Variants in FOXO1 observed in about 807,000 individuals in gnomAD.
The protein encoded by FOXO1 is forkhead box O1.
In FOXO1, 6 loss-of-function variants were observed where a neutral mutation model predicts 44.1. The observed-to-expected ratio is 0.14, with a 90% CI of 0.07 to 0.27. The LOEUF is 0.27. Among genes scored for constraint, FOXO1 ranks in the 10% least tolerant of loss-of-function variants. The pLI, the probability that FOXO1 is intolerant of heterozygous loss-of-function variation, is 1.00. For missense variants in FOXO1, 737 were observed against 888.8 expected, an observed-to-expected ratio of 0.83 and a Z score of 2.17; for synonymous variants, 380 against 362.7, an observed-to-expected ratio of 1.05 and a Z score of -0.54.
At chr13:40,645,427 T>C (rs1008716674) in intron 1 of FOXO1, among the ~76,000 whole-genome samples, 1 of 152,238 alleles carries the variant, frequency 6.6e-6, no homozygotes, top group Non-Finnish European at 1.5e-5. Flanking sequence ...ATTTCCTCTT[T>C]ACAGGCCTTA....
At chr13:40,581,086 C>T (rs776670415) in intron 1 of FOXO1, among the ~76,000 whole-genome samples, 1 of 152,196 alleles carries the variant, frequency 6.6e-6, no homozygotes, top group Non-Finnish European at 1.5e-5. Flanking sequence ...TGCTTGGGCA[C>T]TTTTCTTGGA....
intron 1 of FOXO1, among the ~76,000 whole-genome samples, chr13:40,594,819 T>TA (rs1875516752): frequency 1.3e-5 from 2 of 152,136 alleles, no homozygotes; most frequent in African/African-American, 4.8e-5. Context: ...CCCAAGTAGC[T>TA]AGGACTACAG....
chr13:40,610,086 A>G (rs1018657591), intron 1 of FOXO1, among the ~76,000 whole-genome samples: 9 of 152,132 alleles, frequency 5.9e-5, no homozygotes, highest in African/African-American at 1.9e-4. Flanking sequence ...TTGCAATCAC[A>G]TGTAATTTAA....
At chr13:40,606,460 C>T (rs1323045509) in intron 1 of FOXO1, among the ~76,000 whole-genome samples, 3 of 152,006 alleles carry the variant, frequency 2.0e-5, no homozygotes, top group African/African-American at 4.8e-5. Context: ...CAGGCACGTG[C>T]CACCACCACA....
At chr13:40,606,338 C>A (rs1445268538) in intron 1 of FOXO1, among the ~76,000 whole-genome samples, 1 of 152,066 alleles carries the variant, frequency 6.6e-6, no homozygotes, top group Non-Finnish European at 1.5e-5. Flanking sequence ...GAGATGGAGT[C>A]TCACTCTGTC....
intron 1 of FOXO1, among the ~76,000 whole-genome samples, chr13:40,569,935 G>A (rs141105112): frequency 6.6e-6 from 1 of 152,168 alleles, no homozygotes; most frequent in Non-Finnish European, 1.5e-5. Flanking sequence ...ATCCAGGATG[G>A]TGATTATTAG....
chr13:40,560,013 C>T lies in FOXO1; in HGVS notation c.1478G>A (p.Gly493Asp). The change falls in exon 2 of 3, where the codon GGC becomes GAC. Residue 493 changes from glycine (G) to aspartate (D), a missense_variant. Gly to Asp is a moderately conservative substitution (Grantham distance 94, BLOSUM62 -1). This residue lies in a region of FOXO1 where 283 missense variants were observed against 278.1 expected (regional missense o/e 1.02). Coordinates refer to ENST00000379561, the MANE Select transcript of FOXO1 (RefSeq NM_002015.4). This position sits in a 1 kb window ranked among gnomAD's most constrained non-coding sequence, Gnocchi z 5.1. ...ATTAGGGCCCATCATGACGTTCTGGCCCAGAACCCGGCTGTTGGGCTGGGC... is the reference window on the plus strand; with the variant it reads ...ATTAGGGCCCATCATGACGTTCTGGTCCAGAACCCGGCTGTTGGGCTGGGC... ...GVAQPNSRVL[G>D]QNVMMGPNSV... 6.2e-7 allele frequency: 1 copy of T among 1,614,112 alleles called. No homozygotes were observed. The highest frequency in any genetic ancestry group is 1.3e-5 in the African/African-American group (1 of 75,030).
intron 1 of FOXO1, chr13:40,618,660 C>A (rs936116848): frequency 5.3e-6 from 2 of 374,158 alleles, no homozygotes; most frequent in African/African-American, 4.3e-5. Flanking sequence ...CAAAAAGGCA[C>A]AAACAATTGA....
intron 1 of FOXO1, among the ~76,000 whole-genome samples, chr13:40,602,544 A>G (rs973689669): frequency 2.0e-5 from 3 of 152,238 alleles, no homozygotes. Context: ...AAATTCACAT[A>G]AACAATGTAA....
chr13:40,652,394 C>G (rs920798172), intron 1 of FOXO1, among the ~76,000 whole-genome samples: 1 of 151,600 alleles, frequency 6.6e-6, no homozygotes, highest in African/African-American at 2.4e-5. Context: ...TCCGCCAACA[C>G]GCCTGGCTAA....
At chr13:40,600,243 G>GA (rs1875766471) in intron 1 of FOXO1, among the ~76,000 whole-genome samples, 1 of 152,224 alleles carries the variant, frequency 6.6e-6, no homozygotes, top group South Asian at 2.1e-4. Flanking sequence ...AAGCTCAGGA[G>GA]AAAAGATGGA....
intron 1 of FOXO1, among the ~76,000 whole-genome samples, chr13:40,660,527 G>C (rs976281253): frequency 1.3e-5 from 2 of 152,140 alleles, no homozygotes; most frequent in Admixed American, 1.3e-4. Flanking sequence ...TTGGATGAAG[G>C]GGCTAGAAGC....
At position 40,620,799 on chromosome 13, in the gene FOXO1, C is replaced by CT. The variant is rs111991105; in HGVS notation, c.630+44783dup. On this transcript the variant is annotated intron_variant, in intron 1 of 2. Coordinates refer to ENST00000379561, the MANE Select transcript of FOXO1 (RefSeq NM_002015.4). Reference sequence around the variant, plus strand: ...TGGAAAACTACTATTCTTCCCCTTGCTTTTTTTTTTTTTTTTTGAGATGGA... The same window carrying CT: ...TGGAAAACTACTATTCTTCCCCTTGCTTTTTTTTTTTTTTTTTTGAGATGGA... Among the ~76,000 whole-genome samples the CT allele has an allele frequency of 3.0e-3, 369 of 121,204 alleles. 5 individuals are homozygous for CT. The highest frequency in any genetic ancestry group is 0.014 in the South Asian group (50 of 3,538). 79.5% of individuals were successfully genotyped at this position (121,204 alleles called of 152,430 possible). A position where few individuals can be genotyped will look rare whatever the true frequency, so the allele number is the denominator to read the frequency against.
chr13:40,590,817 C>T (rs1195897859), intron 1 of FOXO1, among the ~76,000 whole-genome samples: 4 of 152,094 alleles, frequency 2.6e-5, no homozygotes, highest in Non-Finnish European at 2.9e-5. Flanking sequence ...AACATTTCAC[C>T]TGGTACAAGT....
At chr13:40,576,404 GGA>G (rs1374857803) in intron 1 of FOXO1, among the ~76,000 whole-genome samples, 3 of 152,182 alleles carry the variant, frequency 2.0e-5, no homozygotes, top group Admixed American at 6.5e-5. Flanking sequence ...GATGATAGGA[GGA>G]GAGTTTGGGC....
At chr13:40,565,043 G>C (rs1874213770) in intron 1 of FOXO1, among the ~76,000 whole-genome samples, 1 of 147,112 alleles carries the variant, frequency 6.8e-6, no homozygotes, top group African/African-American at 2.4e-5. Flanking sequence ...CAGATTCTGA[G>C]TTCCTTAAAG....
intron 1 of FOXO1, among the ~76,000 whole-genome samples, chr13:40,617,184 G>T (rs563804595): frequency 6.6e-6 from 1 of 152,202 alleles, no homozygotes; most frequent in African/African-American, 2.4e-5. Context: ...AGTGGCTCAC[G>T]CCTGTAATCC....
rs1361944129 is a variant in FOXO1 at position 40,560,084 on chromosome 13, G to T, written c.1407C>A (p.Asp469Glu). 5.6e-6 allele frequency: 9 copies of T among 1,613,978 alleles called. No homozygotes were observed. Among genetic ancestry groups the T allele is most frequent in the Non-Finnish European group, 7.6e-6 (9 of 1,180,038 alleles). ...TCATAATGTCATTATGGGGAGGAGA[G>T]TCAGAAGTCAGCAACTCCTTCAAGA... ...PGLLKELLTS[D>E]SPPHNDIMTP... Residue 469 changes from aspartate (D) to glutamate (E), a missense_variant, in exon 2 of 3, where the codon GAC becomes GAA. Asp to Glu is a conservative substitution (Grantham distance 45). Coordinates refer to ENST00000379561, the MANE Select transcript of FOXO1 (RefSeq NM_002015.4). This position sits in a 1 kb window ranked among gnomAD's most constrained non-coding sequence, Gnocchi z 5.1.
intron 1 of FOXO1, among the ~76,000 whole-genome samples, chr13:40,658,884 C>T (rs1053649425): frequency 3.3e-5 from 5 of 151,954 alleles, no homozygotes; most frequent in African/African-American, 1.2e-4. Context: ...TGGTGGTGGG[C>T]GCCTGTAGTC....
Sources: allele counts gnomAD v4.1 joint callset (sites outside exome capture counted in the v4.1 genomes callset), GRCh38; gene constraint gnomAD v4.1.1; regional missense constraint gnomAD v4.1.1; non-coding constraint Gnocchi (gnomAD v3.1); transcripts MANE v1.5; gene names NCBI Gene and HGNC (gene_info 2026-07-23, HGNC 2026-07-21).